MTUS2: variants seen among roughly 807,000 people sequenced by gnomAD.
MTUS2 encodes microtubule associated scaffold protein 2.
Under a neutral mutation model 114.1 loss-of-function variants are expected in MTUS2, and 40 were observed. The observed-to-expected ratio is 0.35, with a 90% CI of 0.27 to 0.46. The LOEUF is 0.46. MTUS2 is among the 20% of genes least tolerant of loss of function. MTUS2 has a pLI of 1.00. For synonymous variants in MTUS2, 688 were observed against 672.0 expected (o/e 1.02, Z -0.37); for missense variants, 1,679 against 1,705.4 (o/e 0.98, Z 0.27).
chr13:28,976,752 G>T (rs1271220547), intron 2 of MTUS2, among the ~76,000 whole-genome samples: 1 of 152,112 alleles, frequency 6.6e-6, no homozygotes, highest in Non-Finnish European at 1.5e-5. Flanking sequence ...TGTATACTAG[G>T]GTGCATGATC....
chr13:29,185,890 A>G (rs1894203417), intron 5 of MTUS2, among the ~76,000 whole-genome samples: 1 of 152,216 alleles, frequency 6.6e-6, no homozygotes, highest in South Asian at 2.1e-4. Context: ...AGGACATTAT[A>G]GAAGTTGAAT....
At chr13:29,236,712 G>A (rs1175775222) in intron 5 of MTUS2, among the ~76,000 whole-genome samples, 1 of 152,182 alleles carries the variant, frequency 6.6e-6, no homozygotes, top group Non-Finnish European at 1.5e-5. Flanking sequence ...GCCATGGAAG[G>A]GTCTCCAGTG....
intron 11 of MTUS2, among the ~76,000 whole-genome samples, chr13:29,490,392 T>A (rs1402513120): frequency 2.0e-5 from 3 of 152,214 alleles, no homozygotes; most frequent in Non-Finnish European, 4.4e-5. Flanking sequence ...GCAGGCCGAT[T>A]AATGAGACCC....
At chr13:29,335,978 G>A (rs1901042056) in intron 7 of MTUS2, among the ~76,000 whole-genome samples, 1 of 151,984 alleles carries the variant, frequency 6.6e-6, no homozygotes, top group Non-Finnish European at 1.5e-5. Flanking sequence ...TGATGGATTT[G>A]GCTATTGAAA....
intron 2 of MTUS2, among the ~76,000 whole-genome samples, chr13:29,003,602 T>C (rs1247620981): frequency 6.6e-6 from 1 of 152,236 alleles, no homozygotes; most frequent in Non-Finnish European, 1.5e-5. Flanking sequence ...TCACCAGATG[T>C]CATTCTTCTT....
chr13:29,414,238 A>T (rs1593417801), intron 8 of MTUS2, among the ~76,000 whole-genome samples: 1 of 69,698 alleles, frequency 1.4e-5, no homozygotes, highest in Non-Finnish European at 2.8e-5. Flanking sequence ...TCTCACTCAT[A>T]GGTGGGAATT....
chr13:29,375,572 TAC>T (rs1315030672), intron 8 of MTUS2, among the ~76,000 whole-genome samples: 6 of 3,930 alleles, frequency 1.5e-3, no homozygotes, highest in African/African-American at 3.2e-3. Context: ...TATATATATA[TAC>T]ATATATATAT....
chr13:29,409,816 A>C (rs1875087340), intron 8 of MTUS2, among the ~76,000 whole-genome samples: 2 of 150,794 alleles, frequency 1.3e-5, no homozygotes, highest in African/African-American at 4.9e-5. Context: ...TTTTTTTAAC[A>C]ACCATAGTAC....
chr13:28,831,539 G>A (rs1029487794), intron 1 of MTUS2, among the ~76,000 whole-genome samples: 2 of 114,240 alleles, frequency 1.8e-5, no homozygotes, highest in Admixed American at 8.3e-5. Flanking sequence ...AAAAATTATT[G>A]CAGAAGACAA....
intron 2 of MTUS2, among the ~76,000 whole-genome samples, chr13:28,870,980 C>T (rs958681494): frequency 3.3e-5 from 5 of 152,124 alleles, no homozygotes; most frequent in East Asian, 1.9e-4. Context: ...TATCAAATAT[C>T]TACTGAGCAC....
intron 5 of MTUS2, among the ~76,000 whole-genome samples, chr13:29,190,830 C>T (rs973621720): frequency 2.6e-5 from 4 of 152,174 alleles, no homozygotes; most frequent in South Asian, 2.1e-4. Flanking sequence ...CAGTGAACCT[C>T]GGCCACCAGT....
chr13:29,376,084 A>AG (rs1871723514), intron 8 of MTUS2, among the ~76,000 whole-genome samples: 2 of 151,948 alleles, frequency 1.3e-5, no homozygotes, highest in Non-Finnish European at 2.9e-5. Flanking sequence ...TATTTATTTA[A>AG]TGGGAAATGA....
At chr13:29,034,169 G>C in intron 4 of MTUS2, 44 bp downstream of exon 4, 5 of 1,609,946 alleles carry the variant, frequency 3.1e-6, no homozygotes, top group Non-Finnish European at 4.2e-6. Flanking sequence ...TGTACGTTTA[G>C]ATAGTCATCA....
intron 9 of MTUS2, among the ~76,000 whole-genome samples, chr13:29,459,847 T>G (rs1879361844): frequency 6.6e-6 from 1 of 152,092 alleles, no homozygotes; most frequent in Non-Finnish European, 1.5e-5. Context: ...GCTACTCCCA[T>G]AAGATAGCCA....
At chr13:28,879,780 T>C (rs563258204) in intron 2 of MTUS2, among the ~76,000 whole-genome samples, 2 of 152,060 alleles carry the variant, frequency 1.3e-5, no homozygotes, top group East Asian at 3.9e-4. Context: ...AGAATTTCCT[T>C]TTAGGGTTGA....
chr13:28,933,357 A>C (rs1566233222), intron 2 of MTUS2, among the ~76,000 whole-genome samples: 3 of 152,180 alleles, frequency 2.0e-5, no homozygotes, highest in African/African-American at 4.8e-5. Flanking sequence ...TGCAGTATTG[A>C]GGCAGAATCC....
chr13:29,121,490 G>A (rs956497842), intron 5 of MTUS2, among the ~76,000 whole-genome samples: 3 of 152,058 alleles, frequency 2.0e-5, no homozygotes, highest in Non-Finnish European at 4.4e-5. Context: ...AGCACAGGCA[G>A]TGTCATGTAG....
intron 5 of MTUS2, among the ~76,000 whole-genome samples, chr13:29,179,827 CTCTT>C (rs1207683256): frequency 6.6e-6 from 1 of 152,138 alleles, no homozygotes; most frequent in Non-Finnish European, 1.5e-5. Context: ...AACAGCTGAA[CTCTT>C]TCATTTTAAA....
At chr13:29,004,221 T>A (rs1593374832) in intron 2 of MTUS2, among the ~76,000 whole-genome samples, 1 of 137,532 alleles carries the variant, frequency 7.3e-6, no homozygotes, top group Admixed American at 7.8e-5. Context: ...TGCATGCATG[T>A]ACATGCATTA....
Sources: gnomAD v4.1 joint callset for allele counts (sites outside exome capture counted in the v4.1 genomes callset) on GRCh38, gnomAD v4.1.1 for gene constraint, MANE v1.5 for transcripts, NCBI Gene and HGNC (gene_info 2026-07-23, HGNC 2026-07-21) for gene names.